Variants in ATRX observed in about 807,000 individuals in gnomAD.
ATRX encodes chromatin remodeler ATRX.
Under a neutral mutation model 172.6 loss-of-function variants are expected in ATRX, and 12 were observed. That is an observed-to-expected ratio of 0.07 (90% CI 0.04 to 0.11). The LOEUF is 0.11. Among genes scored for constraint, ATRX ranks in the 10% least tolerant of loss-of-function variants. The probability of loss-of-function intolerance (pLI) is 1.00; values close to 1 mark genes in which losing one functional copy is unlikely to be tolerated. For synonymous variants in ATRX, 674 were observed against 594.7 expected (o/e 1.13, Z -1.94); for missense variants, 1,368 against 1,767.4 (o/e 0.77, Z 4.05).
At chrX:77,562,675 G>T (rs968437103) in intron 28 of ATRX, among the ~76,000 whole-genome samples, 1 of 111,283 alleles carries the variant, frequency 9.0e-6, no homozygotes, top group Non-Finnish European at 1.9e-5. Context: ...CTCCTAAGTA[G>T]TTATGACTAT....
At chrX:77,607,934 A>C (rs981484079) in intron 22 of ATRX, among the ~76,000 whole-genome samples, 1 of 110,475 alleles carries the variant, frequency 9.1e-6, no homozygotes, top group Admixed American at 9.7e-5. Flanking sequence ...AAATTGAAAA[A>C]ACTATCCTGA....
chrX:77,710,348 G>A (rs1313655759), intron 2 of ATRX, among the ~76,000 whole-genome samples: 2 of 109,473 alleles, frequency 1.8e-5, no homozygotes, highest in African/African-American at 6.6e-5. Context: ...TACAGGTTGC[G>A]TATTCCTTAT....
chrX:77,541,257 G>T (rs546068989), intron 30 of ATRX, among the ~76,000 whole-genome samples: 7 of 112,137 alleles, frequency 6.2e-5, no homozygotes, highest in African/African-American at 2.3e-4. Context: ...ACCCTCCCAA[G>T]TCTAAACCGG....
At chrX:77,769,099 A>G (rs1435718141) in intron 1 of ATRX, among the ~76,000 whole-genome samples, 10 of 111,495 alleles carry the variant, frequency 9.0e-5, no homozygotes, top group African/African-American at 3.3e-4. Flanking sequence ...CAAGATGCTA[A>G]GGCCAGGAGT....
intron 1 of ATRX, among the ~76,000 whole-genome samples, chrX:77,766,659 G>C (rs1173193691): frequency 9.3e-6 from 1 of 107,200 alleles, no homozygotes; most frequent in Admixed American, 9.9e-5. Flanking sequence ...TTCCTAGATG[G>C]GATGGCGGCC....
chrX:77,530,085 A>G (rs1233027910), intron 30 of ATRX, among the ~76,000 whole-genome samples: 1 of 112,045 alleles, frequency 8.9e-6, no homozygotes, highest in Non-Finnish European at 1.9e-5. Context: ...AACTGAAATC[A>G]TAACAGTCTC....
chrX:77,583,506 A>C (rs1192263595), intron 27 of ATRX, among the ~76,000 whole-genome samples: 1 of 110,779 alleles, frequency 9.0e-6, no homozygotes, highest in Admixed American at 9.6e-5. Context: ...TCTGGGCAAC[A>C]GAGTGAGACC....
At chrX:77,716,323 A>AT (rs782067024) in intron 2 of ATRX, among the ~76,000 whole-genome samples, 225 of 20,909 alleles carry the variant, frequency 0.011, 3 homozygotes, top group African/African-American at 0.017. Context: ...AAAAAAAAAA[A>AT]ATATATATAT....
At chrX:77,572,933 C>A (rs1186870086) in intron 28 of ATRX, among the ~76,000 whole-genome samples, 1 of 111,658 alleles carries the variant, frequency 9.0e-6, no homozygotes, top group Non-Finnish European at 1.9e-5. Flanking sequence ...AAAATTAAAA[C>A]ATGTTTTAAA....
At chrX:77,585,766 G>A (rs2065998033) in intron 27 of ATRX, among the ~76,000 whole-genome samples, 1 of 109,641 alleles carries the variant, frequency 9.1e-6, no homozygotes, top group South Asian at 3.9e-4. Flanking sequence ...CAGATGAATG[G>A]ATAATGAAAA....
intron 6 of ATRX, 70 bp downstream of exon 6, chrX:77,693,754 G>T: frequency 1.2e-6 from 1 of 840,933 alleles, no homozygotes; most frequent in Non-Finnish European, 1.8e-6. Context: ...TTTTTAGTAA[G>T]CACATCCGAT....
chrX:77,723,344 T>C (rs1269623913), intron 1 of ATRX, among the ~76,000 whole-genome samples: 1 of 111,507 alleles, frequency 9.0e-6, no homozygotes, highest in Non-Finnish European at 1.9e-5. Flanking sequence ...ATAAGAAAAA[T>C]GAAAACATTT....
At position 77,682,273 on chromosome X, in the gene ATRX, G is replaced by A. The variant is rs2148584299; in HGVS notation, c.2983C>T (p.Pro995Ser). The A allele has an allele frequency of 8.3e-7, 1 of 1,199,819 alleles. No homozygotes were observed. The highest frequency in any genetic ancestry group is 2.3e-4 in the Middle Eastern group (1 of 4,269). Residue 995 changes from proline to serine, a missense_variant, in exon 9 of 35, where the codon CCT (proline) becomes TCT (serine). Transcript: ENST00000373344. ...SKKGTEEKKKPSDFKKKVIKM... is the reference protein window; with the variant it reads ...SKKGTEEKKKSSDFKKKVIKM... ...ATTACTTTTTTCTTAAAGTCTGAAG[G>A]TTTCTTTTTTTCTTCAGTTCCCTTT...
chrX:77,521,445 T>C lies in ATRX; in HGVS notation c.7029A>G (p.Thr2343=), dbSNP rs1557041353. The part of the protein sequence containing the change: ...EKVVEATNSV[T]AVRIQPLEDI... ...CCTCAAGAGGTTGAATCCTCACTGC[T>C]GTCACACTGTTTGTTGCTTCTACAA... Residue 2343 remains threonine (T), a synonymous_variant, in exon 33 of 35, where the codon ACA becomes ACG. Coordinates refer to ENST00000373344, the MANE Select transcript of ATRX (RefSeq NM_000489.6). The C allele has an allele frequency of 8.3e-7, 1 of 1,210,429 alleles. No homozygotes were observed. Among genetic ancestry groups the C allele is most frequent in the Middle Eastern group, 2.3e-4 (1 of 4,324 alleles).
intron 1 of ATRX, among the ~76,000 whole-genome samples, chrX:77,719,777 G>T (rs2073648635): frequency 9.0e-6 from 1 of 111,289 alleles, no homozygotes; most frequent in Non-Finnish European, 1.9e-5. Context: ...AGACCGACAA[G>T]ACGGAAAATT....
chrX:77,594,944 T>C (rs978808050), intron 25 of ATRX: 5 of 112,010 alleles, frequency 4.5e-5, no homozygotes, highest in South Asian at 3.7e-4. Context: ...ACTGCATGAA[T>C]ACACTATCAT....
intron 1 of ATRX, among the ~76,000 whole-genome samples, chrX:77,783,459 G>A (rs1437998473): frequency 3.6e-5 from 4 of 111,178 alleles, no homozygotes; most frequent in Admixed American, 1.9e-4. Flanking sequence ...CCAGGTCATC[G>A]GTTTATTTTC....
At chrX:77,690,467 A>AT (rs782307427) in intron 6 of ATRX, among the ~76,000 whole-genome samples, 197 of 111,463 alleles carry the variant, frequency 1.8e-3, no homozygotes, top group Non-Finnish European at 2.9e-3. Context: ...TTATTTATTT[A>AT]TTTTTTTAAT....
chrX:77,523,453 A>G (rs2147764502), intron 30 of ATRX, 52 bp from the exon 31 acceptor site: 2 of 1,119,105 alleles, frequency 1.8e-6, no homozygotes, highest in African/African-American at 1.8e-5. Context: ...TCTGGACAGT[A>G]TAATATCTCC....
Sources: allele counts gnomAD v4.1 joint callset (sites outside exome capture counted in the v4.1 genomes callset), GRCh38; gene constraint gnomAD v4.1.1; transcripts MANE v1.5; gene names NCBI Gene and HGNC (gene_info 2026-07-23, HGNC 2026-07-21).